P4HA2: variants seen among roughly 807,000 people sequenced by gnomAD.
P4HA2 encodes the protein prolyl 4-hydroxylase subunit alpha-2.
In P4HA2, 46 loss-of-function variants were observed where a neutral mutation model predicts 76.9. The observed-to-expected ratio is 0.60, with a 90% confidence interval of 0.47 to 0.76. P4HA2 has a LOEUF of 0.76. Ranked by LOEUF, P4HA2 falls within the 30% of genes least tolerant of loss-of-function variation. P4HA2 has a pLI of 0.00. For synonymous variants in P4HA2, 243 were observed against 254.0 expected (o/e 0.96, Z 0.41); for missense variants, 583 against 669.4 (o/e 0.87, Z 1.42).
intron 10 of P4HA2, chr5:132,200,745 A>G (rs370828474): frequency 6.6e-6 from 1 of 152,324 alleles, no homozygotes; most frequent in Admixed American, 6.5e-5. Flanking sequence ...GGAAAATTCA[A>G]TTAGTGCTTG....
Position 132,203,865 on chromosome 5 carries a change from G to C in P4HA2, c.1152-18C>G, listed in dbSNP as rs756341564. 11 of 1,586,822 alleles carry C rather than the reference G, an allele frequency of 6.9e-6. No homozygotes were observed. Among genetic ancestry groups the C allele is most frequent in the Non-Finnish European group, 9.5e-6 (11 of 1,155,328 alleles). Reference sequence around the variant, plus strand: ...GCCAGGAGCTGGGCAAAAAGAAAAGGGCAGAGAAAAGAAGACGGAAGGGCA... The same window carrying C: ...GCCAGGAGCTGGGCAAAAAGAAAAGCGCAGAGAAAAGAAGACGGAAGGGCA... On this transcript the variant is annotated intron_variant, in intron 9 of 14. Coordinates refer to ENST00000360568, the MANE Select transcript of P4HA2 (RefSeq NM_001017974.2).
chr5:132,202,167 T>A (rs3805681), intron 10 of P4HA2: 8 of 151,918 alleles, frequency 5.3e-5, no homozygotes, highest in Non-Finnish European at 1.2e-4. Flanking sequence ...TGTGCTTATC[T>A]GCAGAATTTA....
At chr5:132,213,886 G>A in intron 5 of P4HA2, 30 bp downstream of exon 5, 2 of 1,611,354 alleles carry the variant, frequency 1.2e-6, no homozygotes, top group Non-Finnish European at 1.7e-6. Flanking sequence ...GACACATGCG[G>A]GACAGGCAAC....
chr5:132,219,640 A>G (rs572806406), intron 1 of P4HA2, among the ~76,000 whole-genome samples: 3 of 152,226 alleles, frequency 2.0e-5, no homozygotes, highest in Admixed American at 2.0e-4. Context: ...CCTGCTTTTG[A>G]GCACCCCACT....
At chr5:132,193,352 C>G (rs80244490) in intron 14 of P4HA2, 1 of 272,632 alleles carries the variant, frequency 3.7e-6, no homozygotes, top group East Asian at 6.6e-5. Context: ...CTTTCATGCC[C>G]ATGACCTTTG....
Position 132,217,194 on chromosome 5 carries a change from C to T in P4HA2, c.331+3G>A, listed in dbSNP as rs1179941895. 1 of 1,613,690 alleles carries T rather than the reference C, an allele frequency of 6.2e-7. No individual in the cohort carries two copies. The highest frequency in any genetic ancestry group is 1.7e-5 in the Admixed American group (1 of 59,982). On this transcript the variant is annotated splice_donor_region_variant and intron_variant, in intron 4 of 14. Transcript: ENST00000360568. ...ACTCAAGCACCTGCTCACCGTCCCTCACCTGCAGCTGAGTCCTGCAGGACA... is the reference window on the plus strand; with the variant it reads ...ACTCAAGCACCTGCTCACCGTCCCTTACCTGCAGCTGAGTCCTGCAGGACA...
rs1444379305 is a variant in P4HA2 at position 132,198,938 on chromosome 5, G to A, written c.1252-6C>T. The A allele has an allele frequency of 1.2e-6, 2 of 1,601,834 alleles. No individual in the cohort carries two copies. The highest frequency in any genetic ancestry group is 3.3e-5 in the Admixed American group (2 of 59,998). On this transcript the variant is annotated splice_polypyrimidine_tract_variant and splice_region_variant and intron_variant, in intron 10 of 14. Transcript: ENST00000360568. Reference sequence around the variant, plus strand: ...CCCACTCCATAATTTGCAACCTGTGGGAAATAACAGCATTAGACCTTGTAA... The same window carrying A: ...CCCACTCCATAATTTGCAACCTGTGAGAAATAACAGCATTAGACCTTGTAA...
chr5:132,195,999 G>A (rs1440997715), intron 12 of P4HA2, among the ~76,000 whole-genome samples: 1 of 152,168 alleles, frequency 6.6e-6, no homozygotes, highest in African/African-American at 2.4e-5. Flanking sequence ...GAAGGGTGGG[G>A]CACTGTGTCT....
At chr5:132,200,831 C>G (rs1170151763) in intron 10 of P4HA2, 2 of 152,186 alleles carry the variant, frequency 1.3e-5, no homozygotes, top group East Asian at 3.9e-4. Context: ...TTTACAAATC[C>G]CAGGCAGTGA....
intron 3 of P4HA2, 105 bp downstream of exon 3, chr5:132,217,647 C>A (rs2301579): frequency 0.38 from 304,715 of 794,288 alleles, 63,076 homozygotes; most frequent in Non-Finnish European, 0.46. Flanking sequence ...CCCCACATCA[C>A]CCTCTCAAAG....
chr5:132,209,059 CA>C (rs1752652857), intron 7 of P4HA2, 78 bp downstream of exon 7: 2 of 1,033,798 alleles, frequency 1.9e-6, no homozygotes, highest in Non-Finnish European at 2.9e-6. Context: ...GAATAAAGAA[CA>C]CCTTCCCCAA....
chr5:132,195,738 C>T, intron 12 of P4HA2: 1 of 541,580 alleles, frequency 1.8e-6, no homozygotes, highest in South Asian at 2.1e-5. Flanking sequence ...CCGGGCTGTC[C>T]CTGGATGAAA....
In P4HA2 at chr5:132,190,680, G is replaced by A. The variant is rs978878645; in HGVS notation, c.*2330C>T. ...GGGTATAGAAGGATTTCTCAAATAA[G>A]ACATAAAAAACATAAATCAAAAAGA... is the stretch of plus-strand genomic sequence containing the variant. On this transcript the variant is annotated 3_prime_UTR_variant, in exon 15 of 15. Transcript: ENST00000360568. Among the ~76,000 whole-genome samples the A allele has an allele frequency of 2.0e-5, 3 of 151,834 alleles. No individual in the cohort carries two copies. The highest frequency in any genetic ancestry group is 7.3e-5 in the African/African-American group (3 of 41,320).
At chr5:132,219,723 A>T (rs1170303411) in intron 1 of P4HA2, among the ~76,000 whole-genome samples, 1 of 152,202 alleles carries the variant, frequency 6.6e-6, no homozygotes, top group African/African-American at 2.4e-5. Context: ...TCCCAAAAAA[A>T]CATAAGCCTT....
intron 5 of P4HA2, 76 bp from the exon 6 acceptor site, chr5:132,210,599 G>C (rs1752945574): frequency 6.6e-7 from 1 of 1,513,664 alleles, no homozygotes; most frequent in Admixed American, 1.7e-5. Flanking sequence ...TTCAAGGAAA[G>C]CCTGAGCCAC....
Position 132,191,012 on chromosome 5 carries a change from C to G in P4HA2, c.*1998G>C, listed in dbSNP as rs1167391120. ...CATTTATTTCTCATGGTTATGGGAACTGGAAAGTCCGAGATCAAGATGCTA... is the reference window on the plus strand; with the variant it reads ...CATTTATTTCTCATGGTTATGGGAAGTGGAAAGTCCGAGATCAAGATGCTA... On this transcript the variant is annotated 3_prime_UTR_variant, in exon 15 of 15. Coordinates refer to ENST00000360568, the MANE Select transcript of P4HA2 (RefSeq NM_001017974.2). 6.6e-6 allele frequency among the ~76,000 whole-genome samples: 1 copy of G among 152,184 alleles called. No homozygotes were observed. Among genetic ancestry groups the G allele is most frequent in the African/African-American group, 2.4e-5 (1 of 41,444 alleles).
intron 8 of P4HA2, 123 bp downstream of exon 8, chr5:132,207,585 A>G (rs1407167945): frequency 5.5e-6 from 4 of 729,716 alleles, no homozygotes; most frequent in Non-Finnish European, 9.3e-6. Context: ...TCCCCACGGT[A>G]GGCCCATGCT....
intron 12 of P4HA2, among the ~76,000 whole-genome samples, chr5:132,197,240 C>T (rs558031851): frequency 6.6e-6 from 1 of 152,298 alleles, no homozygotes; most frequent in South Asian, 2.1e-4. Context: ...GCTATCTCCT[C>T]ACTCTGATGC....
intron 12 of P4HA2, chr5:132,197,898 A>ACC (rs1180541566): frequency 3.5e-5 from 18 of 520,570 alleles, no homozygotes; most frequent in Non-Finnish European, 4.2e-5. Context: ...TGTATTTAAT[A>ACC]CCACTGAACC....
Sources: allele counts gnomAD v4.1 joint callset (sites outside exome capture counted in the v4.1 genomes callset), GRCh38; gene constraint gnomAD v4.1.1; transcripts MANE v1.5; gene names NCBI Gene and HGNC (gene_info 2026-07-23, HGNC 2026-07-21).